Variants in NPAS3 observed in about 807,000 individuals in gnomAD.
NPAS3 encodes the protein neuronal PAS domain protein 3, also known as neuronal PAS domain-containing protein 3.
A neutral mutation model predicts 73.1 loss-of-function variants in NPAS3; 14 were observed. That is an observed-to-expected ratio of 0.19 (90% CI 0.13 to 0.30). The LOEUF is 0.30. Among genes scored for constraint, NPAS3 ranks in the 10% least tolerant of loss-of-function variants. NPAS3 has a pLI of 1.00. For synonymous variants in NPAS3, 620 were observed against 541.5 expected (o/e 1.14, Z -2.01); for missense variants, 1,096 against 1,250.0 (o/e 0.88, Z 1.86).
intron 6 of NPAS3, among the ~76,000 whole-genome samples, chr14:33,703,922 C>T (rs1020169457): frequency 3.3e-5 from 5 of 152,326 alleles, no homozygotes; most frequent in Middle Eastern, 3.4e-3. Context: ...CTCCACCACT[C>T]TGTACCAAGA....
At chr14:33,594,262 G>C (rs1034241722) in intron 5 of NPAS3, among the ~76,000 whole-genome samples, 15 of 151,978 alleles carry the variant, frequency 9.9e-5, no homozygotes, top group Admixed American at 1.3e-4. Flanking sequence ...CAATGTAATT[G>C]CTATTATTGT....
At chr14:33,677,171 C>T (rs1051020803) in intron 6 of NPAS3, among the ~76,000 whole-genome samples, 6 of 152,214 alleles carry the variant, frequency 3.9e-5, no homozygotes, top group Non-Finnish European at 8.8e-5. Context: ...CTTCCGAGAG[C>T]GCTGGTAATT....
intron 6 of NPAS3, among the ~76,000 whole-genome samples, chr14:33,690,026 T>C (rs1298762437): frequency 6.6e-6 from 1 of 152,222 alleles, no homozygotes; most frequent in East Asian, 1.9e-4. Flanking sequence ...GCTTGACCGA[T>C]ATTTTCTCTT....
chr14:33,415,951 T>C (rs982062020), intron 4 of NPAS3, among the ~76,000 whole-genome samples: 2 of 152,128 alleles, frequency 1.3e-5, no homozygotes, highest in African/African-American at 2.4e-5. Context: ...TGAAGTATTA[T>C]ATTTAATTGC....
At chr14:33,554,360 C>T (rs943272997) in intron 4 of NPAS3, among the ~76,000 whole-genome samples, 1 of 152,190 alleles carries the variant, frequency 6.6e-6, no homozygotes, top group Admixed American at 6.5e-5. Flanking sequence ...AGATTATACT[C>T]TATCACGTAT....
intron 5 of NPAS3, among the ~76,000 whole-genome samples, chr14:33,653,169 T>C (rs2140239949): frequency 6.6e-6 from 1 of 152,330 alleles, no homozygotes; most frequent in Non-Finnish European, 1.5e-5. Context: ...GCATATAATT[T>C]TTTAACTAAC....
chr14:33,735,277 G>T, exon 7 of NPAS3: 2 of 1,613,624 alleles, frequency 1.2e-6, no homozygotes, highest in Non-Finnish European at 1.7e-6. Flanking sequence ...TTTTTCATCC[G>T]AATGAAATCT....
chr14:33,521,810 T>C (rs747307297), intron 4 of NPAS3, among the ~76,000 whole-genome samples: 1 of 152,176 alleles, frequency 6.6e-6, no homozygotes, highest in Non-Finnish European at 1.5e-5. Context: ...ATGCCTTGCA[T>C]ATTGTTCCCC....
chr14:33,350,640 G>A (rs749303367), intron 3 of NPAS3, among the ~76,000 whole-genome samples: 10 of 152,184 alleles, frequency 6.6e-5, no homozygotes, highest in South Asian at 2.1e-4. Context: ...AACTACTAGC[G>A]GAGGCCTGAA....
At chr14:33,128,321 G>GA (rs1421597017) in intron 2 of NPAS3, among the ~76,000 whole-genome samples, 1 of 152,088 alleles carries the variant, frequency 6.6e-6, no homozygotes, top group Admixed American at 6.6e-5. Context: ...GATCTGTGTG[G>GA]AAAAATATTT....
rs535679214 is a variant in NPAS3, at chr14:33,466,063, C to T, written c.469-94058C>T. 1.5e-4 allele frequency among the ~76,000 whole-genome samples: 23 copies of T among 152,226 alleles called. No homozygotes were observed. In the South Asian group the frequency reaches 2.9e-3, roughly 19 times the overall value. The stretch of plus-strand genomic sequence containing the variant: ...TGGAGCGTGAGCAAAACCGCAGTAG[C>T]ACAATGAGCATGCGCTTGAGCTTCG... On this transcript the variant is annotated intron_variant, in intron 4 of 11. Transcript: ENST00000356141.
chr14:33,359,003 G>A (rs1247125548), intron 3 of NPAS3, among the ~76,000 whole-genome samples: 1 of 152,026 alleles, frequency 6.6e-6, no homozygotes, highest in Non-Finnish European at 1.5e-5. Context: ...GTGTCCCTTG[G>A]GCCAATACCC....
At chr14:33,164,905 C>T (rs922790253) in intron 2 of NPAS3, among the ~76,000 whole-genome samples, 6 of 150,294 alleles carry the variant, frequency 4.0e-5, no homozygotes, top group Admixed American at 3.3e-4. Context: ...GGAATTAATA[C>T]AATAATTTCC....
At chr14:33,409,253 T>A (rs2047808571) in intron 4 of NPAS3, among the ~76,000 whole-genome samples, 1 of 152,098 alleles carries the variant, frequency 6.6e-6, no homozygotes, top group African/African-American at 2.4e-5. Context: ...AGTAACTGAT[T>A]AGAGGTGCAG....
intron 6 of NPAS3, among the ~76,000 whole-genome samples, chr14:33,724,037 A>G (rs1429896093): frequency 6.6e-6 from 1 of 152,186 alleles, no homozygotes; most frequent in Non-Finnish European, 1.5e-5. Context: ...AAAATCTCAA[A>G]TACCTGTTAA....
intron 5 of NPAS3, among the ~76,000 whole-genome samples, chr14:33,567,172 C>G (rs2055997651): frequency 6.6e-6 from 1 of 152,210 alleles, no homozygotes; most frequent in African/African-American, 2.4e-5. Context: ...AATACCCTGC[C>G]TGGTGTGGCA....
At chr14:33,160,999 T>C (rs1025377376) in intron 2 of NPAS3, among the ~76,000 whole-genome samples, 2 of 152,188 alleles carry the variant, frequency 1.3e-5, no homozygotes, top group African/African-American at 4.8e-5. Context: ...TTGAGTTAAA[T>C]GTAAGTATTT....
rs200531296 is a variant in NPAS3 at position 33,293,117 on chromosome 14, C to A, written c.386-74069C>A. On this transcript the variant is annotated intron_variant, in intron 3 of 11. Coordinates refer to ENST00000356141, the Ensembl canonical transcript of NPAS3. ...CATCTCTTGCTGGCCACCTGTACTA[C>A]ACTATGTCCATGTTGCTCTTGACGA... Among the ~76,000 whole-genome samples, 3 of 152,158 alleles carry A rather than the reference C, an allele frequency of 2.0e-5. No homozygotes were observed. The East Asian group carries it at 5.8e-4, about 29-fold the overall frequency.
intron 4 of NPAS3, among the ~76,000 whole-genome samples, chr14:33,387,856 TCA>T (rs34409042): frequency 0.051 from 7,781 of 152,246 alleles, 271 homozygotes; most frequent in South Asian, 0.17. Flanking sequence ...CAACAAATAG[TCA>T]CAGTCTTTGT....
Sources: gnomAD v4.1 joint callset for allele counts (sites outside exome capture counted in the v4.1 genomes callset) on GRCh38, gnomAD v4.1.1 for gene constraint, MANE v1.5 for transcripts, NCBI Gene and HGNC (gene_info 2026-07-23, HGNC 2026-07-21) for gene names.